The following HRK variants were observed in gnomAD, a reference collection of about 807,000 sequenced individuals.
HRK encodes the protein activator of apoptosis harakiri.
A neutral mutation model predicts 5.9 loss-of-function variants in HRK; 6 were observed. The ratio of observed to expected loss-of-function variants is 1.02; its 90% CI spans 0.56 to 2.01. The LOEUF (loss-of-function observed/expected upper bound fraction) is 2.01. HRK is among the 30% of genes most tolerant of loss of function. The probability of loss-of-function intolerance (pLI) is 0.00; values close to 1 mark genes in which losing one functional copy is unlikely to be tolerated. For missense variants in HRK, 133 were observed against 128.3 expected (o/e 1.04, Z -0.18); for synonymous variants, 85 against 65.1 (o/e 1.31, Z -1.47).
At chr12:116,877,713 C>T (rs1456148405) in intron 1 of HRK, among the ~76,000 whole-genome samples, 2 of 152,194 alleles carry the variant, frequency 1.3e-5, no homozygotes, top group South Asian at 2.1e-4. Flanking sequence ...CCCTTAATAA[C>T]GTGCCTATGC....
intron 1 of HRK, among the ~76,000 whole-genome samples, chr12:116,874,289 CG>C (rs1451299912): frequency 6.6e-6 from 1 of 152,138 alleles, no homozygotes; most frequent in Non-Finnish European, 1.5e-5. Context: ...GTCTTACCTC[CG>C]GGCCACTGGA....
intron 1 of HRK, among the ~76,000 whole-genome samples, chr12:116,865,910 C>G (rs1181997597): frequency 6.6e-6 from 1 of 152,108 alleles, no homozygotes; most frequent in Non-Finnish European, 1.5e-5. Context: ...GTAATCCCAG[C>G]AATTTGGGTG....
chr12:116,874,782 A>G (rs1878873771), intron 1 of HRK, among the ~76,000 whole-genome samples: 1 of 152,204 alleles, frequency 6.6e-6, no homozygotes. Flanking sequence ...AGCCCAAGCC[A>G]CACGAAGAGG....
chr12:116,875,511 A>C (rs527713598), intron 1 of HRK, among the ~76,000 whole-genome samples: 1 of 152,236 alleles, frequency 6.6e-6, no homozygotes, highest in Middle Eastern at 3.4e-3. Context: ...TTTGGGAAAC[A>C]ATAGTGACTA....
intron 1 of HRK, among the ~76,000 whole-genome samples, chr12:116,872,878 G>T (rs1878806377): frequency 6.8e-6 from 1 of 147,806 alleles, no homozygotes. Context: ...AGGCAGGCAG[G>T]GAGGGAGGGA....
At chr12:116,875,271 G>A (rs931545338) in intron 1 of HRK, among the ~76,000 whole-genome samples, 97 of 152,152 alleles carry the variant, frequency 6.4e-4, no homozygotes, top group African/African-American at 2.2e-3. Flanking sequence ...CCCGCCCAGA[G>A]ACAGAGGGAT....
chr12:116,876,177 C>T (rs957225526), intron 1 of HRK, among the ~76,000 whole-genome samples: 4 of 152,196 alleles, frequency 2.6e-5, no homozygotes, highest in East Asian at 1.9e-4. Context: ...TCTCACTATG[C>T]GAGCGGATGA....
intron 1 of HRK, among the ~76,000 whole-genome samples, chr12:116,866,971 T>G (rs919268739): frequency 1.3e-5 from 2 of 152,056 alleles, no homozygotes; most frequent in Non-Finnish European, 2.9e-5. Flanking sequence ...GGAACTTCAC[T>G]TTTTGTTTGC....
At chr12:116,867,378 A>G (rs1878584678) in intron 1 of HRK, among the ~76,000 whole-genome samples, 1 of 151,942 alleles carries the variant, frequency 6.6e-6, no homozygotes, top group Admixed American at 6.6e-5. Context: ...TCCTGACCTC[A>G]GGTGATCCAC....
At chr12:116,874,004 G>A (rs1354704514) in intron 1 of HRK, among the ~76,000 whole-genome samples, 6 of 152,166 alleles carry the variant, frequency 3.9e-5, no homozygotes, top group South Asian at 2.1e-4. Flanking sequence ...AAACCCAATC[G>A]ATGTCCACAA....
At chr12:116,876,724 C>CT (rs1239510671) in intron 1 of HRK, 3 of 147,682 alleles carry the variant, frequency 2.0e-5, no homozygotes, top group African/African-American at 7.4e-5. Context: ...TCTCCTGTAT[C>CT]TTTGAGTATT....
At chr12:116,863,184 T>A in intron 1 of HRK, among the ~76,000 whole-genome samples, 1 of 152,258 alleles carries the variant, frequency 6.6e-6, no homozygotes, top group Non-Finnish European at 1.5e-5. Flanking sequence ...GATCACTTTA[T>A]GGCTTCTGGG....
In HRK at chr12:116,878,839, G is replaced by C. The variant is rs1879032728; in HGVS notation, c.*56+2137C>G. On this transcript the variant is annotated intron_variant, in intron 1 of 1. Coordinates refer to ENST00000257572, the MANE Select transcript of HRK (RefSeq NM_003806.4). This position sits in a 1 kb window ranked among gnomAD's most constrained non-coding sequence, Gnocchi z 4.4. ...AGGGCGCAGCACGGAAGTAACTCTG[G>C]GGTAGAAGGCGAGGGCGGGGCGGGG... 6.6e-6 allele frequency among the ~76,000 whole-genome samples: 1 copy of C among 152,186 alleles called. No homozygotes were observed. The highest frequency in any genetic ancestry group is 1.5e-5 in the Non-Finnish European group (1 of 68,028).
chr12:116,877,923 T>C (rs968112475), intron 1 of HRK, among the ~76,000 whole-genome samples: 1 of 152,192 alleles, frequency 6.6e-6, no homozygotes, highest in Non-Finnish European at 1.5e-5. Flanking sequence ...AAATTATTAT[T>C]GAGATGGAGT....
intron 1 of HRK, among the ~76,000 whole-genome samples, chr12:116,873,505 T>G (rs890475399): frequency 2.0e-5 from 3 of 152,086 alleles, no homozygotes; most frequent in Admixed American, 6.6e-5. Flanking sequence ...TCCCGAGTAG[T>G]TGGTAACACA....
At chr12:116,875,150 A>G (rs544619349) in intron 1 of HRK, among the ~76,000 whole-genome samples, 24 of 152,374 alleles carry the variant, frequency 1.6e-4, no homozygotes, top group Admixed American at 3.9e-4. Flanking sequence ...AGTAATCTAA[A>G]GATGATTTAA....
chr12:116,865,266 G>T (rs746363736), intron 1 of HRK, among the ~76,000 whole-genome samples: 2 of 152,192 alleles, frequency 1.3e-5, no homozygotes, highest in Non-Finnish European at 2.9e-5. Context: ...CCTTGGCCGG[G>T]TGTGGTGGCT....
At chr12:116,865,751 CTCTTTTTTGT>C (rs1170386200) in intron 1 of HRK, among the ~76,000 whole-genome samples, 1 of 152,178 alleles carries the variant, frequency 6.6e-6, no homozygotes, top group Non-Finnish European at 1.5e-5. Context: ...TACGCCATGT[CTCTTTTTTGT>C]TCTTTTCCTA....
chr12:116,876,256 C>G (rs1878923525), intron 1 of HRK, among the ~76,000 whole-genome samples: 1 of 152,160 alleles, frequency 6.6e-6, no homozygotes, highest in Non-Finnish European at 1.5e-5. Context: ...CCGGGGGGTT[C>G]CTCCCCAACA....
Sources: allele counts gnomAD v4.1 joint callset (sites outside exome capture counted in the v4.1 genomes callset), GRCh38; gene constraint gnomAD v4.1.1; non-coding constraint Gnocchi (gnomAD v3.1); transcripts MANE v1.5; gene names NCBI Gene and HGNC (gene_info 2026-07-23, HGNC 2026-07-21).